The following WARS2 variants were observed in gnomAD, a reference collection of about 807,000 sequenced individuals.
The protein encoded by WARS2 is tryptophanyl tRNA synthetase 2, mitochondrial.
A neutral mutation model predicts 36.5 loss-of-function variants in WARS2; 28 were observed. That is an observed-to-expected ratio of 0.77 (90% confidence interval 0.57 to 1.05). The LOEUF (loss-of-function observed/expected upper bound fraction) is 1.05. WARS2 is among the 50% of genes least tolerant of loss of function. The pLI, the probability that WARS2 is intolerant of heterozygous loss-of-function variation, is 0.00. For synonymous variants in WARS2, 174 were observed against 178.4 expected (o/e 0.98, Z 0.20); for missense variants, 435 against 456.8 (o/e 0.95, Z 0.44).
intron 2 of WARS2, among the ~76,000 whole-genome samples, chr1:119,049,845 A>G (rs1649187992): frequency 6.6e-6 from 1 of 151,914 alleles, no homozygotes; most frequent in Non-Finnish European, 1.5e-5. Flanking sequence ...TACTGCTAGC[A>G]CTCCAGTGTG....
intron 1 of WARS2, among the ~76,000 whole-genome samples, chr1:119,109,609 G>A (rs1201025013): frequency 6.6e-6 from 1 of 151,628 alleles, no homozygotes; most frequent in African/African-American, 2.4e-5. Context: ...TGGGTTTCTT[G>A]TAGACAACAT....
intron 2 of WARS2, among the ~76,000 whole-genome samples, chr1:119,075,157 T>C (rs1651628299): frequency 6.6e-6 from 1 of 151,994 alleles, no homozygotes; most frequent in Non-Finnish European, 1.5e-5. Context: ...AATTAGTGTA[T>C]ATATATACAT....
At chr1:119,068,875 A>C (rs986057746) in intron 2 of WARS2, among the ~76,000 whole-genome samples, 1 of 144,160 alleles carries the variant, frequency 6.9e-6, no homozygotes, top group African/African-American at 2.6e-5. Flanking sequence ...ACACACACAC[A>C]CCTTTGAGAG....
chr1:119,140,610 C>T lies in WARS2; in HGVS notation c.35G>A (p.Arg12His), dbSNP rs1206574954. Reference sequence around the variant, plus strand: ...ATGAAGTGCCCGGATGAAGCTCCAGCGCTCACGCGCTTTCCGCATTGAGTG... The same window carrying T: ...ATGAAGTGCCCGGATGAAGCTCCAGTGCTCACGCGCTTTCCGCATTGAGTG... ...ALHSMRKARE[R>H]WSFIRALHKG... The change falls in exon 1 of 6, where the codon CGC becomes CAC. Residue 12 changes from arginine (R) to histidine (H), a missense_variant. Transcript: ENST00000235521. 6.2e-7 allele frequency: 1 copy of T among 1,613,882 alleles called. No individual in the cohort carries two copies. The highest frequency in any genetic ancestry group is 8.5e-7 in the Non-Finnish European group (1 of 1,179,846).
At chr1:119,134,137 C>A (rs1299857794) in intron 1 of WARS2, among the ~76,000 whole-genome samples, 1 of 151,690 alleles carries the variant, frequency 6.6e-6, no homozygotes, top group Non-Finnish European at 1.5e-5. Flanking sequence ...TCATTCAGGG[C>A]TCCATCCTCA....
intron 1 of WARS2, among the ~76,000 whole-genome samples, chr1:119,087,089 C>T (rs1297398815): frequency 6.6e-6 from 1 of 152,224 alleles, no homozygotes; most frequent in Non-Finnish European, 1.5e-5. Flanking sequence ...CTTTTTCTCT[C>T]TCTCACTCAG....
chr1:119,126,684 A>G, intron 1 of WARS2: 1 of 726,180 alleles, frequency 1.4e-6, no homozygotes, highest in Admixed American at 1.7e-5. Context: ...CTTCCTCAGC[A>G]TTTTTACTTT....
chr1:119,126,854 C>A, intron 1 of WARS2: 1 of 786,808 alleles, frequency 1.3e-6, no homozygotes, highest in South Asian at 1.3e-5. Flanking sequence ...TTTGGAGGAC[C>A]TGTTGGTGCT....
chr1:119,140,328 T>G, intron 1 of WARS2: 1 of 389,696 alleles, frequency 2.6e-6, no homozygotes, highest in South Asian at 7.6e-5. Flanking sequence ...CGGCAAGAGG[T>G]CAGAAAGCGG....
intron 1 of WARS2, among the ~76,000 whole-genome samples, chr1:119,092,450 C>T (rs980233402): frequency 6.6e-6 from 1 of 152,186 alleles, no homozygotes; most frequent in African/African-American, 2.4e-5. Context: ...TATCACCTGT[C>T]TTACTTCCCA....
At chr1:119,078,781 T>G (rs1450829448) in intron 1 of WARS2, among the ~76,000 whole-genome samples, 1 of 152,194 alleles carries the variant, frequency 6.6e-6, no homozygotes, top group Non-Finnish European at 1.5e-5. Context: ...CTTCTATTTA[T>G]ATTATCTTTT....
chr1:119,066,210 G>T (rs902312292), intron 2 of WARS2, among the ~76,000 whole-genome samples: 3 of 152,064 alleles, frequency 2.0e-5, no homozygotes, highest in African/African-American at 4.8e-5. Context: ...GGGTGCGGTG[G>T]CTCACGCCTG....
intron 1 of WARS2, among the ~76,000 whole-genome samples, chr1:119,119,512 A>T (rs587613250): frequency 2.0e-5 from 3 of 152,270 alleles, no homozygotes; most frequent in South Asian, 4.1e-4. Flanking sequence ...TCAAGACAGG[A>T]AGTCAACAAT....
intron 1 of WARS2, chr1:119,139,599 C>T (rs994598898): frequency 2.0e-5 from 3 of 152,184 alleles, no homozygotes; most frequent in Admixed American, 6.5e-5. Flanking sequence ...CTCTAGGCTA[C>T]CTTCCTGTCT....
chr1:119,065,511 A>C (rs1477289956), intron 2 of WARS2, among the ~76,000 whole-genome samples: 2 of 151,424 alleles, frequency 1.3e-5, no homozygotes, highest in African/African-American at 4.9e-5. Context: ...GGTGGGCGCC[A>C]GTAATCCCAG....
chr1:119,076,603 T>C lies in WARS2; in HGVS notation c.95A>G (p.Asp32Gly). Residue 32 changes from aspartate (D) to glycine (G), a missense_variant, in exon 2 of 6, where the codon GAC becomes GGC. By Grantham distance (94) the Asp-to-Gly change is moderately conservative. Transcript: ENST00000235521. ...GSAAAPALQK[D>G]SKKRVFSGIQ... ...GCCGGAAAATACTCGCTTCTTGCTG[T>C]CTTTCTGGAACAAAGGAAAACAAGC... 1 of 1,614,084 alleles carries C rather than the reference T, an allele frequency of 6.2e-7. No homozygotes were observed. The highest frequency in any genetic ancestry group is 8.5e-7 in the Non-Finnish European group (1 of 1,179,984).
intron 2 of WARS2, among the ~76,000 whole-genome samples, chr1:119,074,150 A>G (rs587750422): frequency 6.6e-6 from 1 of 152,344 alleles, no homozygotes; most frequent in Admixed American, 6.5e-5. Context: ...GGTGACTCAA[A>G]AAGTGGCTCT....
At chr1:119,131,451 G>GTT (rs1433121541) in intron 1 of WARS2, among the ~76,000 whole-genome samples, 6 of 126,882 alleles carry the variant, frequency 4.7e-5, no homozygotes, top group South Asian at 5.1e-4. Flanking sequence ...ACTGTGCAAA[G>GTT]TTTTTTGTTT....
chr1:119,082,440 A>G (rs587707969), intron 1 of WARS2: 14 of 985,298 alleles, frequency 1.4e-5, no homozygotes, highest in African/African-American at 1.7e-5. Context: ...CATGTACTTC[A>G]TCTCATGTAG....
Sources: gnomAD v4.1 joint callset for allele counts (sites outside exome capture counted in the v4.1 genomes callset) on GRCh38, gnomAD v4.1.1 for gene constraint, MANE v1.5 for transcripts, NCBI Gene and HGNC (gene_info 2026-07-23, HGNC 2026-07-21) for gene names.